The following CTNND2 variants were observed in gnomAD, a reference collection of about 807,000 sequenced individuals.
The protein encoded by CTNND2 is catenin delta 2, also known as catenin delta-2.
CTNND2 carries 22 observed loss-of-function variants against 144.4 expected under a neutral mutation model. The ratio of observed to expected loss-of-function variants is 0.15; its 90% confidence interval spans 0.11 to 0.22. CTNND2 has a LOEUF of 0.22. Ranked by LOEUF, CTNND2 falls within the 10% of genes least tolerant of loss-of-function variation. The pLI is 1.00. For synonymous variants in CTNND2, 751 were observed against 695.6 expected (o/e 1.08, Z -1.25); for missense variants, 1,353 against 1,618.8 (o/e 0.84, Z 2.82).
chr5:11,705,625 A>G (rs1785656277), intron 2 of CTNND2, among the ~76,000 whole-genome samples: 1 of 152,232 alleles, frequency 6.6e-6, no homozygotes, highest in African/African-American at 2.4e-5. Context: ...TAATTTTGAA[A>G]AAACAGCTGA....
chr5:11,110,492 A>T (rs910351768), intron 14 of CTNND2, among the ~76,000 whole-genome samples: 2 of 152,026 alleles, frequency 1.3e-5, no homozygotes, highest in Non-Finnish European at 2.9e-5. Context: ...CTTATACCAC[A>T]TCTCCTGTTC....
In CTNND2 at chr5:11,397,146, A is replaced by G. The variant is rs1760219678; in HGVS notation, c.497T>C (p.Phe166Ser). The G allele has an allele frequency of 1.9e-6, 3 of 1,614,116 alleles. No homozygotes were observed. Among genetic ancestry groups the G allele is most frequent in the Admixed American group, 1.7e-5 (1 of 60,010 alleles). ...GCTATGGTAGCTGGCCGGATACTGG[A>G]AAGACCCTTCAGGTTTGGAATTGAG... is the stretch of plus-strand genomic sequence containing the variant. Reference protein sequence around the residue: ...LQLNSKPEGSFQYPASYHSNQ... With the variant: ...LQLNSKPEGSSQYPASYHSNQ... Residue 166 changes from phenylalanine (F) to serine (S), a missense_variant, in exon 6 of 22, where the codon TTC becomes TCC. Physicochemically the swap from Phe to Ser is radical, Grantham distance 155. Coordinates refer to ENST00000304623, the MANE Select transcript of CTNND2 (RefSeq NM_001332.4).
At chr5:11,007,343 A>AT (rs1561161197) in intron 18 of CTNND2, among the ~76,000 whole-genome samples, 1 of 150,420 alleles carries the variant, frequency 6.6e-6, no homozygotes, top group Non-Finnish European at 1.5e-5. Context: ...CCAGCGGCCA[A>AT]TCTGTCATCT....
intron 2 of CTNND2, among the ~76,000 whole-genome samples, chr5:11,697,912 G>A (rs1381948496): frequency 6.6e-6 from 1 of 152,212 alleles, no homozygotes; most frequent in Non-Finnish European, 1.5e-5. Context: ...ATGTCTGGGA[G>A]GAGATTTCTC....
intron 1 of CTNND2, among the ~76,000 whole-genome samples, chr5:11,762,170 A>G (rs1475773365): frequency 6.6e-6 from 1 of 152,162 alleles, no homozygotes; most frequent in Non-Finnish European, 1.5e-5. Context: ...CATCCATTCT[A>G]TACATTTCCT....
intron 2 of CTNND2, among the ~76,000 whole-genome samples, chr5:11,726,237 C>T (rs1191084580): frequency 1.3e-5 from 2 of 152,018 alleles, no homozygotes; most frequent in African/African-American, 4.8e-5. Flanking sequence ...ATGTGAAATA[C>T]AATTATATTA....
Position 11,261,087 on chromosome 5 carries a change from C to T in CTNND2, c.1629-24264G>A, listed in dbSNP as rs116194280. Among the ~76,000 whole-genome samples the T allele has an allele frequency of 2.6e-3, 403 of 152,154 alleles. 1 individual carries two copies. Among genetic ancestry groups the T allele is most frequent in the African/African-American group, 9.0e-3 (373 of 41,498 alleles). On this transcript the variant is annotated intron_variant, in intron 9 of 21. Transcript: ENST00000304623. ...TCAAGATGATACCCAGCCACAGTCA[C>T]GCGAATGCTTGTGTGAATTTATACT...
At chr5:11,717,861 T>C (rs976840375) in intron 2 of CTNND2, among the ~76,000 whole-genome samples, 1 of 152,148 alleles carries the variant, frequency 6.6e-6, no homozygotes, top group African/African-American at 2.4e-5. Flanking sequence ...TCTTGACATC[T>C]GGGGATTATT....
chr5:11,527,538 C>T (rs913851579), intron 3 of CTNND2, among the ~76,000 whole-genome samples: 1 of 152,142 alleles, frequency 6.6e-6, no homozygotes, highest in African/African-American at 2.4e-5. Context: ...TCCATCTCAG[C>T]CCCTTCCCTT....
chr5:11,231,018 C>A (rs989202044), intron 10 of CTNND2, among the ~76,000 whole-genome samples: 1 of 152,028 alleles, frequency 6.6e-6, no homozygotes, highest in African/African-American at 2.4e-5. Flanking sequence ...GTGTCAAGGG[C>A]AGGACCAGGT....
intron 1 of CTNND2, among the ~76,000 whole-genome samples, chr5:11,819,703 T>C (rs1793210338): frequency 6.6e-6 from 1 of 152,110 alleles, no homozygotes; most frequent in South Asian, 2.1e-4. Context: ...TCTTTCACTG[T>C]ATAGCCCTGT....
intron 9 of CTNND2, among the ~76,000 whole-genome samples, chr5:11,304,399 TACAC>T: frequency 6.6e-6 from 1 of 150,860 alleles, no homozygotes; most frequent in African/African-American, 2.4e-5. Context: ...CACACACACT[TACAC>T]ACACACACAA....
intron 12 of CTNND2, among the ~76,000 whole-genome samples, chr5:11,152,118 C>T (rs1386178257): frequency 6.6e-6 from 1 of 152,060 alleles, no homozygotes; most frequent in Non-Finnish European, 1.5e-5. Flanking sequence ...GGATCAGCCA[C>T]GGAGATACTG....
chr5:11,255,475 A>G (rs1005192351), intron 9 of CTNND2, among the ~76,000 whole-genome samples: 1 of 152,216 alleles, frequency 6.6e-6, no homozygotes, highest in Non-Finnish European at 1.5e-5. Context: ...GGAGGTTTCA[A>G]ACATCTTTCA....
chr5:11,479,632 C>T (rs910053332), intron 3 of CTNND2, among the ~76,000 whole-genome samples: 22 of 152,288 alleles, frequency 1.4e-4, no homozygotes, highest in Admixed American at 5.2e-4. Flanking sequence ...TATAAACATT[C>T]CCATTTCTAT....
At chr5:11,268,376 A>G (rs1284519940) in intron 9 of CTNND2, among the ~76,000 whole-genome samples, 1 of 152,176 alleles carries the variant, frequency 6.6e-6, no homozygotes, top group Non-Finnish European at 1.5e-5. Context: ...TGAGGCCAAG[A>G]GTTCAAGATC....
intron 3 of CTNND2, among the ~76,000 whole-genome samples, chr5:11,452,289 G>A (rs368442497): frequency 7.9e-5 from 12 of 152,138 alleles, no homozygotes; most frequent in African/African-American, 2.2e-4. Flanking sequence ...CTGAATTAAC[G>A]AAGAGACTAT....
At chr5:11,390,642 C>A (rs1759547960) in intron 6 of CTNND2, among the ~76,000 whole-genome samples, 1 of 152,164 alleles carries the variant, frequency 6.6e-6, no homozygotes, top group Admixed American at 6.5e-5. Context: ...TCTTAAATTG[C>A]CAGCAAGTCC....
intron 2 of CTNND2, among the ~76,000 whole-genome samples, chr5:11,609,068 T>G (rs371679138): frequency 6.6e-6 from 1 of 152,106 alleles, no homozygotes; most frequent in Non-Finnish European, 1.5e-5. Context: ...TGAGCACAGG[T>G]GTCGCTCATC....
Sources: gnomAD v4.1 joint callset for allele counts (sites outside exome capture counted in the v4.1 genomes callset) on GRCh38, gnomAD v4.1.1 for gene constraint, MANE v1.5 for transcripts, NCBI Gene and HGNC (gene_info 2026-07-23, HGNC 2026-07-21) for gene names.